The following OR9Q1 variants were observed in gnomAD, a reference collection of about 807,000 sequenced individuals.
OR9Q1 encodes olfactory receptor family 9 subfamily Q member 1.
For synonymous variants in OR9Q1, 153 were observed against 148.6 expected (o/e 1.03, Z -0.22); for missense variants, 374 against 378.8 (o/e 0.99, Z 0.11).
intron 1 of OR9Q1, among the ~76,000 whole-genome samples, chr11:58,037,894 G>GTTT (rs58955805): frequency 5.1e-5 from 5 of 97,820 alleles, no homozygotes; most frequent in African/African-American, 1.8e-4. Flanking sequence ...AATTTTTTTT[G>GTTT]TTTTTTTTTT....
chr11:58,121,722 T>G (rs955865200), intron 2 of OR9Q1, among the ~76,000 whole-genome samples: 3 of 152,232 alleles, frequency 2.0e-5, no homozygotes, highest in Admixed American at 2.0e-4. Flanking sequence ...AAGAAACTCT[T>G]TTCCTTGTAG....
chr11:58,147,863 AG>A (rs1188060204), intron 2 of OR9Q1, among the ~76,000 whole-genome samples: 2 of 152,222 alleles, frequency 1.3e-5, no homozygotes, highest in East Asian at 1.9e-4. Flanking sequence ...AAAATAAAAA[AG>A]TCTCATTCTT....
rs186256379 is a variant in OR9Q1 at position 58,038,493 on chromosome 11, G to A, written c.-93+14389G>A. ...TGTTACTCAGAGAATGTCACAGGGA[G>A]TAATTCTGGACAAATAAGACTTATT... On this transcript the variant is annotated intron_variant, in intron 1 of 2. Transcript: ENST00000335397. 2.2e-3 allele frequency among the ~76,000 whole-genome samples: 330 copies of A among 152,320 alleles called. 1 individual carries two copies. Among genetic ancestry groups the A allele is most frequent in the African/African-American group, 7.5e-3 (310 of 41,566 alleles).
intron 2 of OR9Q1, among the ~76,000 whole-genome samples, chr11:58,103,780 G>T (rs1853813675): frequency 6.6e-6 from 1 of 152,198 alleles, no homozygotes; most frequent in South Asian, 2.1e-4. Context: ...TGGGGCCTAG[G>T]ATGTCAATTG....
Position 58,119,319 on chromosome 11 carries a change from A to G in OR9Q1, c.-14-60112A>G, listed in dbSNP as rs752059907. ...CTTGGATTAACATAATCATCCCCAC[A>G]TTCCCAAGAAGGGTGACTAGGTAGA... On this transcript the variant is annotated intron_variant, in intron 2 of 2. Coordinates refer to ENST00000335397, the MANE Select transcript of OR9Q1 (RefSeq NM_001005212.4). 6.8e-6 allele frequency: 11 copies of G among 1,613,880 alleles called. No homozygotes were observed. In the South Asian group the frequency reaches 1.2e-4, roughly 18 times the overall value.
intron 2 of OR9Q1, among the ~76,000 whole-genome samples, chr11:58,100,124 T>C (rs1224736948): frequency 1.3e-5 from 2 of 152,170 alleles, no homozygotes; most frequent in East Asian, 1.9e-4. Flanking sequence ...TGCTAACCCT[T>C]GGAGCAGCAT....
At position 58,031,267 on chromosome 11, in the gene OR9Q1, C is replaced by T. The variant is rs751855755; in HGVS notation, c.-93+7163C>T. Reference sequence around the variant, plus strand: ...CTTATGCTGATTGCCTATCCCAGCTCTTCATCTTCACCTTTCTTGGGGCAA... The same window carrying T: ...CTTATGCTGATTGCCTATCCCAGCTTTTCATCTTCACCTTTCTTGGGGCAA... On this transcript the variant is annotated intron_variant, in intron 1 of 2. Transcript: ENST00000335397. 3 of 1,614,130 alleles carry T rather than the reference C, an allele frequency of 1.9e-6. No homozygotes were observed. In the South Asian group the frequency reaches 3.3e-5, roughly 18 times the overall value.
intron 2 of OR9Q1, among the ~76,000 whole-genome samples, chr11:58,160,277 G>A (rs1854444953): frequency 6.6e-6 from 1 of 152,204 alleles, no homozygotes; most frequent in Admixed American, 6.5e-5. Context: ...CTGGATCTGA[G>A]AACCCATGAG....
intron 2 of OR9Q1, among the ~76,000 whole-genome samples, chr11:58,146,130 A>G (rs1253051758): frequency 6.6e-6 from 1 of 152,206 alleles, no homozygotes; most frequent in African/African-American, 2.4e-5. Context: ...AGTGAGTCCC[A>G]TATATAACTT....
intron 2 of OR9Q1, among the ~76,000 whole-genome samples, chr11:58,106,416 C>T (rs11603026): frequency 0.023 from 3,440 of 152,088 alleles, 67 homozygotes; most frequent in Non-Finnish European, 0.036. Context: ...AAACAGATGG[C>T]TTGCAAATAT....
At chr11:58,044,776 C>T (rs1250602091) in intron 1 of OR9Q1, 1 of 151,564 alleles carries the variant, frequency 6.6e-6, no homozygotes, top group Non-Finnish European at 1.5e-5. Context: ...GAAAACAAGA[C>T]ATCTTGATGG....
chr11:58,027,800 C>G (rs1190388734), intron 1 of OR9Q1, among the ~76,000 whole-genome samples: 1 of 152,232 alleles, frequency 6.6e-6, no homozygotes, highest in African/African-American at 2.4e-5. Context: ...CTTTACCCCT[C>G]CTTCAGCTTT....
At chr11:58,160,002 G>T (rs1854443134) in intron 2 of OR9Q1, among the ~76,000 whole-genome samples, 1 of 152,178 alleles carries the variant, frequency 6.6e-6, no homozygotes, top group Non-Finnish European at 1.5e-5. Flanking sequence ...GACTGCTGAG[G>T]CTGGGCCATG....
intron 1 of OR9Q1, among the ~76,000 whole-genome samples, chr11:58,038,965 T>C (rs980194665): frequency 6.6e-6 from 1 of 152,086 alleles, no homozygotes; most frequent in African/African-American, 2.4e-5. Flanking sequence ...CTAAATTGAA[T>C]CTTCTTCTTT....
intron 2 of OR9Q1, among the ~76,000 whole-genome samples, chr11:58,101,206 T>G (rs995661130): frequency 6.6e-6 from 1 of 152,052 alleles, no homozygotes; most frequent in African/African-American, 2.4e-5. Context: ...CCTTAAGAAA[T>G]CTTTATACTG....
intron 2 of OR9Q1, among the ~76,000 whole-genome samples, chr11:58,115,493 G>A (rs1853944424): frequency 6.6e-6 from 1 of 152,132 alleles, no homozygotes; most frequent in South Asian, 2.1e-4. Context: ...GTACACCACA[G>A]GTGCGTACAG....
At chr11:58,156,171 C>A (rs993025891) in intron 2 of OR9Q1, among the ~76,000 whole-genome samples, 11 of 152,166 alleles carry the variant, frequency 7.2e-5, no homozygotes, top group Admixed American at 3.3e-4. Context: ...CCTCGGCCTC[C>A]CAAAGTGCTA....
chr11:58,124,724 G>C (rs944865205), intron 2 of OR9Q1: 1 of 152,128 alleles, frequency 6.6e-6, no homozygotes, highest in African/African-American at 2.4e-5. Context: ...TTTTGCTTGA[G>C]GTTTCACAGC....
rs376807588 is a variant in OR9Q1 at position 58,054,158 on chromosome 11, G to T, written c.-92-1712G>T. On this transcript the variant is annotated intron_variant, in intron 1 of 2. Transcript: ENST00000335397. ...CCTGAATAAAGCTGAAAAAGAAATA[G>T]TAGAAAAAGGAAGATAAGCAGAGTG... Among the ~76,000 whole-genome samples, 15 of 152,294 alleles carry T rather than the reference G, an allele frequency of 9.8e-5. No individual in the cohort carries two copies. The East Asian group carries it at 1.7e-3, about 18-fold the overall frequency.
Sources: allele counts gnomAD v4.1 joint callset (sites outside exome capture counted in the v4.1 genomes callset), GRCh38; gene constraint gnomAD v4.1.1; transcripts MANE v1.5; gene names NCBI Gene and HGNC (gene_info 2026-07-23, HGNC 2026-07-21).